The following PATJ variants were observed in gnomAD, a reference collection of about 807,000 sequenced individuals.
The protein encoded by PATJ is inaD-like protein.
PATJ carries 190 observed loss-of-function variants against 224.9 expected under a neutral mutation model. That is an observed-to-expected ratio of 0.84 (90% CI 0.75 to 0.95). The LOEUF (loss-of-function observed/expected upper bound fraction) is 0.95. Ranked by LOEUF, PATJ falls within the 40% of genes least tolerant of loss-of-function variation. The pLI, the probability that PATJ is intolerant of heterozygous loss-of-function variation, is 0.00. For synonymous variants in PATJ, 769 were observed against 820.3 expected (o/e 0.94, Z 1.07); for missense variants, 2,121 against 2,270.3 (o/e 0.93, Z 1.34).
intron 22 of PATJ, among the ~76,000 whole-genome samples, chr1:61,886,834 A>G (rs1209811847): frequency 7.2e-6 from 1 of 138,294 alleles, no homozygotes. Context: ...AAAAAAAATT[A>G]GCCTGTTGTG....
intron 27 of PATJ, among the ~76,000 whole-genome samples, chr1:61,935,459 G>A (rs1181140570): frequency 1.3e-5 from 2 of 152,018 alleles, no homozygotes; most frequent in Non-Finnish European, 2.9e-5. Flanking sequence ...GGAATGTTTG[G>A]TATAAAGAGT....
chr1:62,122,623 G>A (rs1239768039), intron 38 of PATJ, among the ~76,000 whole-genome samples: 1 of 152,038 alleles, frequency 6.6e-6, no homozygotes, highest in Non-Finnish European at 1.5e-5. Flanking sequence ...TCGAGAGTTT[G>A]AGACCAGCCT....
At chr1:62,141,172 C>T (rs1570780235) in intron 41 of PATJ, among the ~76,000 whole-genome samples, 1 of 151,212 alleles carries the variant, frequency 6.6e-6, no homozygotes, top group Admixed American at 6.6e-5. Context: ...GGCCTATAAA[C>T]TCTGTTGCCT....
chr1:61,864,179 A>AGTT, intron 19 of PATJ, 59 bp from the exon 20 acceptor site: 4 of 1,469,882 alleles, frequency 2.7e-6, no homozygotes, highest in Admixed American at 2.0e-5. Context: ...CAGTTTATCT[A>AGTT]TATAGTGCAG....
At chr1:62,110,193 A>T (rs1458406919) in intron 34 of PATJ, among the ~76,000 whole-genome samples, 1 of 152,230 alleles carries the variant, frequency 6.6e-6, no homozygotes, top group African/African-American at 2.4e-5. Flanking sequence ...TGAGAGTCTA[A>T]CACTTGTTTA....
intron 43 of PATJ, among the ~76,000 whole-genome samples, chr1:62,158,166 A>C (rs1341886433): frequency 6.7e-6 from 1 of 149,642 alleles, no homozygotes; most frequent in Non-Finnish European, 1.5e-5. Flanking sequence ...GTGAGTAAAG[A>C]GCCACAATTA....
intron 4 of PATJ, among the ~76,000 whole-genome samples, chr1:61,767,963 G>A (rs565001436): frequency 3.8e-4 from 58 of 151,840 alleles, no homozygotes; most frequent in East Asian, 1.9e-3. Flanking sequence ...GAGCCATTGC[G>A]CCGGGCCAGT....
intron 11 of PATJ, among the ~76,000 whole-genome samples, chr1:61,798,492 C>A (rs1160710613): frequency 6.6e-6 from 1 of 152,140 alleles, no homozygotes; most frequent in Non-Finnish European, 1.5e-5. Flanking sequence ...AACCACGGTG[C>A]CTGGCTGCAT....
intron 3 of PATJ, among the ~76,000 whole-genome samples, chr1:61,763,680 G>C (rs1007309413): frequency 6.9e-6 from 1 of 145,194 alleles, no homozygotes; most frequent in Non-Finnish European, 1.6e-5. Context: ...TTTATTTTGA[G>C]ACAAGGTTTC....
At chr1:62,151,711 A>G (rs1344920745) in intron 42 of PATJ, among the ~76,000 whole-genome samples, 5 of 152,238 alleles carry the variant, frequency 3.3e-5, no homozygotes, top group African/African-American at 1.2e-4. Context: ...TTCTCTAAGT[A>G]CATGAATGGC....
chr1:61,764,962 A>G (rs1308565463), intron 3 of PATJ, among the ~76,000 whole-genome samples: 13 of 148,500 alleles, frequency 8.8e-5, no homozygotes, highest in Non-Finnish European at 1.9e-4. Context: ...TTATATTTGT[A>G]TAGTTTGGAG....
intron 27 of PATJ, among the ~76,000 whole-genome samples, chr1:61,975,227 A>G (rs1269616074): frequency 4.6e-5 from 7 of 152,052 alleles, no homozygotes; most frequent in Non-Finnish European, 8.8e-5. Context: ...AATTACAGGC[A>G]TGAGCCACCA....
intron 33 of PATJ, among the ~76,000 whole-genome samples, chr1:62,107,214 G>A (rs1484552085): frequency 6.6e-6 from 1 of 151,836 alleles, no homozygotes; most frequent in Non-Finnish European, 1.5e-5. Flanking sequence ...GCTGAGGCAG[G>A]AGAATGGCGT....
In PATJ at chr1:61,842,619, A is replaced by G. The variant is rs190909324; in HGVS notation, c.2112+8834A>G. Among the ~76,000 whole-genome samples the G allele has an allele frequency of 3.7e-3, 560 of 152,248 alleles. 3 individuals carry two copies. The highest frequency in any genetic ancestry group is 6.3e-3 in the Non-Finnish European group (431 of 68,012). ...TTTGGAATGGCCATGGAGAGCTAAA[A>G]TGTGGCCATAAAGGTGCTCAGATTT... On this transcript the variant is annotated intron_variant, in intron 17 of 43. Transcript: ENST00000642238.
chr1:61,970,255 A>T (rs1317922376), intron 27 of PATJ, among the ~76,000 whole-genome samples: 1 of 151,846 alleles, frequency 6.6e-6, no homozygotes, highest in Non-Finnish European at 1.5e-5. Context: ...ATTAGGTTCA[A>T]TGAAAAAATA....
chr1:61,763,436 G>A (rs1237369913), intron 3 of PATJ, among the ~76,000 whole-genome samples: 2 of 151,638 alleles, frequency 1.3e-5, no homozygotes, highest in Admixed American at 1.3e-4. Flanking sequence ...GGAGTCTGAG[G>A]TGGGAGGACT....
At chr1:62,124,378 C>A (rs1181082255) in intron 39 of PATJ, among the ~76,000 whole-genome samples, 2 of 152,162 alleles carry the variant, frequency 1.3e-5, no homozygotes, top group Non-Finnish European at 2.9e-5. Context: ...CCACCAGGCC[C>A]GGCCAAAAGT....
chr1:61,781,828 A>C (rs1406516050), intron 7 of PATJ, among the ~76,000 whole-genome samples: 1 of 152,214 alleles, frequency 6.6e-6, no homozygotes, highest in Non-Finnish European at 1.5e-5. Flanking sequence ...CAAAATCAAC[A>C]TGGAAAAGGT....
At chr1:61,939,448 G>T (rs1677440225) in intron 27 of PATJ, among the ~76,000 whole-genome samples, 1 of 150,754 alleles carries the variant, frequency 6.6e-6, no homozygotes, top group Non-Finnish European at 1.5e-5. Context: ...GTTATATTTG[G>T]GTAACAAGTA....
Sources: allele counts gnomAD v4.1 joint callset (sites outside exome capture counted in the v4.1 genomes callset), GRCh38; gene constraint gnomAD v4.1.1; transcripts MANE v1.5; gene names NCBI Gene and HGNC (gene_info 2026-07-23, HGNC 2026-07-21).